Variants in DR1 observed in about 807,000 individuals in gnomAD.
The protein encoded by DR1 is protein Dr1.
DR1 carries 7 observed loss-of-function variants against 19.9 expected under a neutral mutation model. That is an observed-to-expected ratio of 0.35 (90% CI 0.20 to 0.66). The LOEUF (loss-of-function observed/expected upper bound fraction) is 0.66. Among genes scored for constraint, DR1 ranks in the 30% least tolerant of loss-of-function variants. The pLI is 0.66. For missense variants in DR1, 98 were observed against 203.7 expected (o/e 0.48, Z 3.16); for synonymous variants, 76 against 72.5 (o/e 1.05, Z -0.24).
rs1570707322 is a variant in DR1 at position 93,346,946 on chromosome 1, C to G, written c.220+81C>G. ...TCGCGTGACCCTTTCGTGTCAAAGC[C>G]TCCATTCCTCTTCCCTGGTAAGTAA... On this transcript the variant is annotated intron_variant, in intron 1 of 2. Coordinates refer to ENST00000370272, the MANE Select transcript of DR1 (RefSeq NM_001938.3). The G allele has an allele frequency of 9.0e-6, 11 of 1,220,366 alleles. No homozygotes were observed. In the East Asian group the frequency reaches 2.8e-4, roughly 31 times the overall value. The allele number at this position is 1,220,366 out of a possible 1,614,324, so 75.6% of individuals were successfully genotyped here. A position where few individuals can be genotyped will look rare whatever the true frequency, so the allele number is the denominator to read the frequency against.
chr1:93,354,018 C>A lies in DR1; in HGVS notation c.331C>A (p.Leu111Ile). 1.2e-6 allele frequency: 2 copies of A among 1,613,776 alleles called. No homozygotes were observed. The highest frequency in any genetic ancestry group is 2.2e-5 in the South Asian group (2 of 91,036). Reference sequence around the variant, plus strand: ...AAAGGCCAGTTCTCGTTTGGAAAACCTTGGCATTCCTGAAGAAGAGTTATT... The same window carrying A: ...AAAGGCCAGTTCTCGTTTGGAAAACATTGGCATTCCTGAAGAAGAGTTATT... ...RRKASSRLEN[L>I]GIPEEELLRQ... Residue 111 changes from leucine (L) to isoleucine (I), a missense_variant, in exon 2 of 3, where the codon CTT becomes ATT. Transcript: ENST00000370272.
intron 1 of DR1, among the ~76,000 whole-genome samples, chr1:93,351,436 CTTTT>C (rs397862048): frequency 9.6e-6 from 1 of 103,842 alleles, no homozygotes; most frequent in Non-Finnish European, 1.9e-5. Context: ...GATTTTCTTT[CTTTT>C]TTTTTTTTTT....
chr1:93,357,822 A>G (rs1162472438), intron 2 of DR1, among the ~76,000 whole-genome samples: 1 of 152,154 alleles, frequency 6.6e-6, no homozygotes, highest in Non-Finnish European at 1.5e-5. Context: ...CCTGCCCTTC[A>G]GTCAACAAAT....
rs1038869725 is a variant in DR1 at position 93,346,358 on chromosome 1, G to C, written c.-288G>C. On this transcript the variant is annotated 5_prime_UTR_variant, in exon 1 of 3. Transcript: ENST00000370272. Reference sequence around the variant, plus strand: ...GAGGAGACACGAAGGTGGTTCCCCAGCCGCTCAAATTTCCGGACCACCGCG... The same window carrying C: ...GAGGAGACACGAAGGTGGTTCCCCACCCGCTCAAATTTCCGGACCACCGCG... 1.1e-5 allele frequency: 5 copies of C among 437,786 alleles called. No individual in the cohort carries two copies. The highest frequency in any genetic ancestry group is 2.1e-5 in the Non-Finnish European group (5 of 236,482). The allele number at this position is 437,786 out of a possible 1,614,324, so 27.1% of individuals were successfully genotyped here.
intron 1 of DR1, among the ~76,000 whole-genome samples, chr1:93,350,340 C>T (rs1256441050): frequency 2.0e-5 from 3 of 152,100 alleles, no homozygotes; most frequent in Non-Finnish European, 4.4e-5. Flanking sequence ...AAACCTTTGC[C>T]AGGCTAATGA....
In DR1 at chr1:93,346,592, G is replaced by C; in HGVS notation, c.-54G>C. 1 of 1,472,128 alleles carries C rather than the reference G, an allele frequency of 6.8e-7. No homozygotes were observed. The highest frequency in any genetic ancestry group is 1.1e-5 in the South Asian group (1 of 87,104). The allele number at this position is 1,472,128 out of a possible 1,614,324, so 91.2% of individuals were successfully genotyped here. A position where few individuals can be genotyped will look rare whatever the true frequency, so the allele number is the denominator to read the frequency against. ...TTTTGAGAAATCTCGGTGGAGTAGTGGACCAGAGCTGGGGAGTTTTTAAAA... is the reference window on the plus strand; with the variant it reads ...TTTTGAGAAATCTCGGTGGAGTAGTCGACCAGAGCTGGGGAGTTTTTAAAA... On this transcript the variant is annotated 5_prime_UTR_variant, in exon 1 of 3. Coordinates refer to ENST00000370272, the MANE Select transcript of DR1 (RefSeq NM_001938.3).
chr1:93,366,519 G>GT lies in DR1; in HGVS notation c.*5883dup, dbSNP rs1251383628. 1.3e-5 allele frequency: 2 copies of GT among 152,102 alleles called. No homozygotes were observed. Among genetic ancestry groups the GT allele is most frequent in the Non-Finnish European group, 2.9e-5 (2 of 68,028 alleles). The allele number at this position is 152,102 out of a possible 1,614,324, so 9.4% of individuals were successfully genotyped here. On this transcript the variant is annotated 3_prime_UTR_variant, in exon 3 of 3. Coordinates refer to ENST00000370272, the MANE Select transcript of DR1 (RefSeq NM_001938.3). Reference sequence around the variant, plus strand: ...GTTGATAGGTTCTGGGAAACTGCGAGTTTAAGAAAAACAACATATAATGAA... The same window carrying GT: ...GTTGATAGGTTCTGGGAAACTGCGAGTTTTAAGAAAAACAACATATAATGAA...
chr1:93,365,529 G>C lies in DR1; in HGVS notation c.*4890G>C, dbSNP rs1365406593. 1 of 152,184 alleles carries C rather than the reference G, an allele frequency of 6.6e-6. No individual in the cohort carries two copies. The highest frequency in any genetic ancestry group is 1.5e-5 in the Non-Finnish European group (1 of 68,102). The allele number at this position is 152,184 out of a possible 1,614,324, so 9.4% of individuals were successfully genotyped here. A position where few individuals can be genotyped will look rare whatever the true frequency, so the allele number is the denominator to read the frequency against. ...ATAGCCAACTGTCCCTGGGTGTTGC[G>C]AGTATAGGAGGCAAAATTGCACCCT... is the stretch of plus-strand genomic sequence containing the variant. On this transcript the variant is annotated 3_prime_UTR_variant, in exon 3 of 3. Transcript: ENST00000370272.
intron 2 of DR1, among the ~76,000 whole-genome samples, chr1:93,358,335 C>T (rs941846432): frequency 5.3e-5 from 8 of 151,910 alleles, no homozygotes; most frequent in African/African-American, 1.7e-4. Context: ...ATGGGGCTAT[C>T]GTGGGAGATT....
chr1:93,350,039 C>T (rs1051996646), intron 1 of DR1, among the ~76,000 whole-genome samples: 5 of 152,004 alleles, frequency 3.3e-5, no homozygotes, highest in East Asian at 1.9e-4. Flanking sequence ...ATATTTTTTC[C>T]GAAGGGACAC....
rs1266597291 is a variant in DR1 at position 93,361,598 on chromosome 1, A to G, written c.*959A>G. The G allele has an allele frequency of 2.0e-5, 3 of 152,564 alleles. No homozygotes were observed. Among genetic ancestry groups the G allele is most frequent in the Admixed American group, 6.5e-5 (1 of 15,272 alleles). The allele number at this position is 152,564 out of a possible 1,614,324, so 9.5% of individuals were successfully genotyped here. On this transcript the variant is annotated 3_prime_UTR_variant, in exon 3 of 3. Coordinates refer to ENST00000370272, the MANE Select transcript of DR1 (RefSeq NM_001938.3). The stretch of plus-strand genomic sequence containing the variant: ...GGGATTTTTAATTTAACTTGTAGTT[A>G]TAGTTTACTTATTGTTTTTAGAATT...
chr1:93,357,210 T>TA, intron 2 of DR1, among the ~76,000 whole-genome samples: 1 of 152,358 alleles, frequency 6.6e-6, no homozygotes, highest in South Asian at 2.1e-4. Flanking sequence ...TTGTTTACTG[T>TA]AAAAGTTGTC....
intron 1 of DR1, among the ~76,000 whole-genome samples, chr1:93,351,208 T>G (rs1666908974): frequency 1.3e-5 from 2 of 152,168 alleles, no homozygotes; most frequent in African/African-American, 4.8e-5. Context: ...AAAATTAAAG[T>G]CAATGAAATT....
In DR1 at chr1:93,360,585, T is replaced by C; in HGVS notation, c.477T>C (p.Ser159=). The C allele has an allele frequency of 6.3e-7, 1 of 1,596,544 alleles. No individual in the cohort carries two copies. Among genetic ancestry groups the C allele is most frequent in the South Asian group, 1.1e-5 (1 of 87,924 alleles). Residue 159 remains serine, a synonymous_variant, in exon 3 of 3, where the codon AGT becomes AGC. Transcript: ENST00000370272. The part of the protein sequence containing the change: ...QQAQLAAASA[S]ASNQAGSSQD... ...CCCAGCTTGCTGCTGCCTCAGCCAG[T>C]GCATCTAATCAGGCGGGATCTTCTC...
chr1:93,350,621 T>C (rs1282426723), intron 1 of DR1, among the ~76,000 whole-genome samples: 2 of 152,198 alleles, frequency 1.3e-5, no homozygotes, highest in Non-Finnish European at 2.9e-5. Flanking sequence ...TGAAGATTAT[T>C]GTTGCTTCAA....
In DR1 at chr1:93,353,891, T is replaced by C. The variant is rs749881661; in HGVS notation, c.221-17T>C. The C allele has an allele frequency of 8.9e-6, 14 of 1,578,356 alleles. No individual in the cohort carries two copies. The South Asian group carries it at 1.4e-4, about 16-fold the overall frequency. On this transcript the variant is annotated splice_polypyrimidine_tract_variant and intron_variant, in intron 1 of 2. Transcript: ENST00000370272. Reference sequence around the variant, plus strand: ...GTTTTATCACCCTTTCATATTTTAATATTTTCATTTCTCTAGCACTAGAAA... The same window carrying C: ...GTTTTATCACCCTTTCATATTTTAACATTTTCATTTCTCTAGCACTAGAAA...
At chr1:93,356,790 C>T (rs967671038) in intron 2 of DR1, among the ~76,000 whole-genome samples, 2 of 150,192 alleles carry the variant, frequency 1.3e-5, no homozygotes, top group African/African-American at 4.9e-5. Flanking sequence ...GGTGCTATCT[C>T]GGCTCATTGC....
At chr1:93,352,281 A>G (rs1172440773) in intron 1 of DR1, among the ~76,000 whole-genome samples, 1 of 152,134 alleles carries the variant, frequency 6.6e-6, no homozygotes, top group Admixed American at 6.5e-5. Context: ...CCTGTTAGCC[A>G]GGATGGTCTC....
At chr1:93,348,659 C>T (rs1260768993) in intron 1 of DR1, among the ~76,000 whole-genome samples, 3 of 152,024 alleles carry the variant, frequency 2.0e-5, no homozygotes, top group African/African-American at 7.2e-5. Context: ...ATGTGTGAGT[C>T]AGAAAGCTAT....
Sources: allele counts gnomAD v4.1 joint callset (sites outside exome capture counted in the v4.1 genomes callset), GRCh38; gene constraint gnomAD v4.1.1; transcripts MANE v1.5; gene names NCBI Gene and HGNC (gene_info 2026-07-23, HGNC 2026-07-21).